Variants in NOL10 observed in about 807,000 individuals in gnomAD.
The protein encoded by NOL10 is H_NH0074G24.1.
NOL10 carries 58 observed loss-of-function variants against 103.5 expected under a neutral mutation model. That is an observed-to-expected ratio of 0.56 (90% CI 0.45 to 0.70). The LOEUF is 0.70. NOL10 is among the 30% of genes least tolerant of loss of function. The pLI, the probability that NOL10 is intolerant of heterozygous loss-of-function variation, is 0.00. For missense variants in NOL10, 763 were observed against 807.3 expected (o/e 0.95, Z 0.67); for synonymous variants, 287 against 282.5 (o/e 1.02, Z -0.16).
At chr2:10,664,473 A>G (rs1378915385) in intron 8 of NOL10, among the ~76,000 whole-genome samples, 4 of 152,254 alleles carry the variant, frequency 2.6e-5, no homozygotes, top group Admixed American at 6.5e-5. Flanking sequence ...GCCATTACAA[A>G]GAATGATGTG....
At chr2:10,687,387 C>T (rs1297926914) in intron 1 of NOL10, among the ~76,000 whole-genome samples, 1 of 152,136 alleles carries the variant, frequency 6.6e-6, no homozygotes, top group Non-Finnish European at 1.5e-5. Flanking sequence ...CTTACTTCTA[C>T]AAAACTACAC....
At chr2:10,650,424 T>C (rs1679384084) in intron 12 of NOL10, among the ~76,000 whole-genome samples, 10 of 151,966 alleles carry the variant, frequency 6.6e-5, no homozygotes, top group Admixed American at 6.6e-4. Context: ...CTCAGGATTA[T>C]AGGCATGATG....
intron 13 of NOL10, among the ~76,000 whole-genome samples, chr2:10,640,876 A>G (rs1678651020): frequency 6.6e-6 from 1 of 152,246 alleles, no homozygotes; most frequent in South Asian, 2.1e-4. Context: ...GGTTAACTGA[A>G]GAAACCAGGA....
Position 10,577,678 on chromosome 2 carries a change from G to A in NOL10, c.1905C>T (p.Asp635=). Residue 635 remains aspartate (D), a synonymous_variant, in exon 20 of 21, where the codon GAC becomes GAT. Transcript: ENST00000381685. The part of the protein sequence containing the change: ...EAKNGTLSVS[D]TTVGSKQLTF... ...TCAATTGTTTGCTGCCAACGGTGGT[G>A]TCGGATACACTCAATGTCCCATTTT... 1 of 1,613,066 alleles carries A rather than the reference G, an allele frequency of 6.2e-7. No individual in the cohort carries two copies. Among genetic ancestry groups the A allele is most frequent in the Non-Finnish European group, 8.5e-7 (1 of 1,179,442 alleles).
chr2:10,627,880 T>C (rs1011061037), intron 13 of NOL10, among the ~76,000 whole-genome samples: 14 of 151,492 alleles, frequency 9.2e-5, no homozygotes, highest in Non-Finnish European at 1.8e-4. Flanking sequence ...ATGTACCCCC[T>C]GAATCTAAAA....
intron 16 of NOL10, 91 bp downstream of exon 16, chr2:10,602,685 A>C: frequency 1.2e-6 from 1 of 815,210 alleles, no homozygotes. Context: ...TGGAAAATCA[A>C]GAAAAGAATG....
chr2:10,614,071 T>G (rs1243109307), intron 13 of NOL10, among the ~76,000 whole-genome samples: 1 of 151,910 alleles, frequency 6.6e-6, no homozygotes, highest in Non-Finnish European at 1.5e-5. Context: ...GTGATTCTCC[T>G]GCCTCAGACT....
intron 7 of NOL10, among the ~76,000 whole-genome samples, chr2:10,667,768 C>T (rs1680651114): frequency 6.6e-6 from 1 of 151,832 alleles, no homozygotes; most frequent in Non-Finnish European, 1.5e-5. Context: ...AAGCGTTCAG[C>T]AGTATCTGGG....
intron 13 of NOL10, 28 bp from the exon 14 acceptor site, chr2:10,607,339 A>G: frequency 6.3e-7 from 1 of 1,582,776 alleles, no homozygotes; most frequent in Non-Finnish European, 8.6e-7. Flanking sequence ...AAGGTCAGCA[A>G]AGGCACAGTT....
intron 13 of NOL10, among the ~76,000 whole-genome samples, chr2:10,613,001 T>A (rs1293695490): frequency 2.2e-5 from 3 of 138,014 alleles, no homozygotes; most frequent in Admixed American, 2.2e-4. Flanking sequence ...AAGACCCTGT[T>A]AAAAAAAAAA....
At chr2:10,669,130 T>C (rs186648646) in intron 6 of NOL10, among the ~76,000 whole-genome samples, 2 of 152,168 alleles carry the variant, frequency 1.3e-5, no homozygotes, top group Non-Finnish European at 2.9e-5. Flanking sequence ...TTTGCTCTTA[T>C]TGCCCAGGCT....
intron 13 of NOL10, among the ~76,000 whole-genome samples, chr2:10,638,325 G>GTA (rs1558311245): frequency 4.8e-4 from 61 of 127,248 alleles, no homozygotes; most frequent in African/African-American, 2.3e-3. Context: ...GACGTGACGT[G>GTA]ACGTGACGTA....
chr2:10,604,413 T>C (rs1173610604), intron 14 of NOL10, among the ~76,000 whole-genome samples: 1 of 152,056 alleles, frequency 6.6e-6, no homozygotes, highest in African/African-American at 2.4e-5. Flanking sequence ...AAAAAGAAAA[T>C]TAAATTTAGG....
At chr2:10,639,569 G>C (rs1678559957) in intron 13 of NOL10, among the ~76,000 whole-genome samples, 1 of 152,114 alleles carries the variant, frequency 6.6e-6, no homozygotes, top group African/African-American at 2.4e-5. Context: ...GATATGCTAG[G>C]GGCTCGGAAT....
intron 11 of NOL10, among the ~76,000 whole-genome samples, chr2:10,655,214 AAAAG>A (rs1444798985): frequency 6.6e-6 from 1 of 151,986 alleles, no homozygotes; most frequent in Non-Finnish European, 1.5e-5. Context: ...CCCAAAAAAA[AAAAG>A]AAAGAAAGGA....
At chr2:10,674,043 A>C (rs1353937978) in intron 4 of NOL10, among the ~76,000 whole-genome samples, 1 of 146,360 alleles carries the variant, frequency 6.8e-6, no homozygotes, top group Non-Finnish European at 1.5e-5. Context: ...TCACTATGGG[A>C]AAGAAAAAAA....
intron 20 of NOL10, among the ~76,000 whole-genome samples, chr2:10,572,498 C>T (rs184622546): frequency 3.4e-4 from 51 of 152,222 alleles, no homozygotes; most frequent in African/African-American, 1.2e-3. Flanking sequence ...GTTTTTCAAC[C>T]AACACACTCA....
At position 10,577,671 on chromosome 2, in the gene NOL10, C is replaced by T. The variant is rs954714145; in HGVS notation, c.1912G>A (p.Val638Ile). The T allele has an allele frequency of 2.1e-5, 34 of 1,612,644 alleles. No individual in the cohort carries two copies. Among genetic ancestry groups the T allele is most frequent in the Middle Eastern group, 3.3e-4 (2 of 6,080 alleles). The change falls in exon 20 of 21, where the codon GTT becomes ATT. Residue 638 changes from valine (V) to isoleucine (I), a missense_variant. Val to Ile is a conservative substitution (Grantham distance 29). Coordinates refer to ENST00000381685, the MANE Select transcript of NOL10 (RefSeq NM_024894.4). ...GTGAATGTCAATTGTTTGCTGCCAA[C>T]GGTGGTGTCGGATACACTCAATGTC... ...NGTLSVSDTTVGSKQLTFTLK... is the reference protein window; with the variant it reads ...NGTLSVSDTTIGSKQLTFTLK...
chr2:10,635,679 T>C (rs921677757), intron 13 of NOL10, among the ~76,000 whole-genome samples: 1 of 152,166 alleles, frequency 6.6e-6, no homozygotes, highest in African/African-American at 2.4e-5. Flanking sequence ...TCACCTAGAT[T>C]GTAAGCTCAC....
Sources: allele counts gnomAD v4.1 joint callset (sites outside exome capture counted in the v4.1 genomes callset), GRCh38; gene constraint gnomAD v4.1.1; transcripts MANE v1.5; gene names NCBI Gene and HGNC (gene_info 2026-07-23, HGNC 2026-07-21).